THADA: variants seen among roughly 807,000 people sequenced by gnomAD.
THADA encodes tRNA (32-2'-O)-methyltransferase regulator THADA.
THADA carries 213 observed loss-of-function variants against 219.8 expected under a neutral mutation model. The ratio of observed to expected loss-of-function variants is 0.97; its 90% CI spans 0.87 to 1.09. The LOEUF is 1.09. Among genes scored for constraint, THADA ranks in the 50% least tolerant of loss-of-function variants. The pLI, the probability that THADA is intolerant of heterozygous loss-of-function variation, is 0.00. For missense variants in THADA, 2,956 were observed against 2,311.3 expected, an observed-to-expected ratio of 1.28 and a Z score of -5.72; for synonymous variants, 1,018 against 828.9, an observed-to-expected ratio of 1.23 and a Z score of -3.92.
rs73925512 is a variant in THADA at position 43,436,380 on chromosome 2, T to C, written c.3837-6078A>G. ...CAAGAGCCTTCCTCACCAAGGAAAA[T>C]GCTCTGCTCTTCCCCCAAACTGTCA... On this transcript the variant is annotated intron_variant, in intron 26 of 37. Transcript: ENST00000405975. Among the ~76,000 whole-genome samples the C allele has an allele frequency of 9.1e-3, 1,378 of 152,204 alleles. 24 individuals are homozygous for C. The highest frequency in any genetic ancestry group is 0.032 in the African/African-American group (1,343 of 41,528).
chr2:43,297,312 C>T (rs1675561253), intron 31 of THADA, among the ~76,000 whole-genome samples: 2 of 101,608 alleles, frequency 2.0e-5, no homozygotes, highest in South Asian at 3.6e-4. Flanking sequence ...GCAACCACCC[C>T]GTCTGAGAAG....
At position 43,460,055 on chromosome 2, in the gene THADA, G is replaced by C. The variant is rs145151549; in HGVS notation, c.3836+25179C>G. Among the ~76,000 whole-genome samples, 376 of 152,010 alleles carry C rather than the reference G, an allele frequency of 2.5e-3. 1 individual carries two copies. Among genetic ancestry groups the C allele is most frequent in the African/African-American group, 8.9e-3 (370 of 41,450 alleles). ...GGATGTTGGCTTCATGCTGTATCTAGAAGGTTGATACTGGAAAAGTCAGTA... is the reference window on the plus strand; with the variant it reads ...GGATGTTGGCTTCATGCTGTATCTACAAGGTTGATACTGGAAAAGTCAGTA... On this transcript the variant is annotated intron_variant, in intron 26 of 37. Transcript: ENST00000405975.
chr2:43,444,390 C>T (rs1026671090), intron 26 of THADA, among the ~76,000 whole-genome samples: 2 of 152,190 alleles, frequency 1.3e-5, no homozygotes, highest in Non-Finnish European at 2.9e-5. Context: ...CAACTTACTC[C>T]CATCTGGGTT....
chr2:43,419,144 T>C (rs915046794), intron 28 of THADA, among the ~76,000 whole-genome samples: 3 of 151,618 alleles, frequency 2.0e-5, no homozygotes, highest in African/African-American at 7.3e-5. Context: ...GTGATGAGAG[T>C]AGGGGTGTTG....
At position 43,231,049 on chromosome 2, in the gene THADA, A is replaced by G. The variant is rs367792595; in HGVS notation, c.5761T>C (p.Leu1921=). 6.2e-7 allele frequency: 1 copy of G among 1,613,882 alleles called. No individual in the cohort carries two copies. Among genetic ancestry groups the G allele is most frequent in the Non-Finnish European group, 8.5e-7 (1 of 1,179,868 alleles). The stretch of plus-strand genomic sequence containing the variant: ...GTGTCTTCCCCTTCCTTTCCTTCCA[A>G]AAAGGCCAGCAGCCTCAAGCAAGCC... ...TLACLRLLAF[L]EGKEGEDTLV... Residue 1921 remains leucine, a synonymous_variant, in exon 38 of 38, where the codon TTG becomes CTG. Transcript: ENST00000405975.
chr2:43,582,654 C>G (rs553642677), intron 7 of THADA, among the ~76,000 whole-genome samples: 1 of 148,542 alleles, frequency 6.7e-6, no homozygotes, highest in East Asian at 2.1e-4. Flanking sequence ...ACTGCAACCT[C>G]CACCTCCCGG....
At chr2:43,486,786 C>CAG (rs1469903275) in intron 25 of THADA, 1 of 152,106 alleles carries the variant, frequency 6.6e-6, no homozygotes, top group African/African-American at 2.4e-5. Context: ...CAAGAGAAGC[C>CAG]AGGAACCCTG....
chr2:43,355,306 C>T (rs1256540339), intron 29 of THADA, among the ~76,000 whole-genome samples: 1 of 152,104 alleles, frequency 6.6e-6, no homozygotes, highest in Non-Finnish European at 1.5e-5. Context: ...TGAGGAACCT[C>T]CAAACTGTTC....
chr2:43,362,767 CTGTT>C (rs543434144), intron 29 of THADA, among the ~76,000 whole-genome samples: 4 of 152,204 alleles, frequency 2.6e-5, no homozygotes, highest in African/African-American at 9.7e-5. Flanking sequence ...TTTTTAAAAA[CTGTT>C]TGTTTTGTAA....
chr2:43,411,292 T>G (rs1253232421), intron 28 of THADA, among the ~76,000 whole-genome samples: 1 of 152,184 alleles, frequency 6.6e-6, no homozygotes, highest in African/African-American at 2.4e-5. Flanking sequence ...TCCCCATCTC[T>G]GATATTTTTA....
intron 22 of THADA, among the ~76,000 whole-genome samples, chr2:43,515,277 A>AATATATT (rs1691487703): frequency 2.6e-4 from 1 of 3,778 alleles, no homozygotes; most frequent in Non-Finnish European, 5.8e-4. Flanking sequence ...TATAATATAT[A>AATATATT]ATATATTATA....
chr2:43,517,078 G>T (rs1340412431), intron 22 of THADA, among the ~76,000 whole-genome samples: 1 of 152,062 alleles, frequency 6.6e-6, no homozygotes, highest in African/African-American at 2.4e-5. Flanking sequence ...AGTTCTAAAT[G>T]AACTGGGTGA....
chr2:43,240,593 G>A (rs886462485), intron 36 of THADA, among the ~76,000 whole-genome samples: 9 of 152,110 alleles, frequency 5.9e-5, no homozygotes, highest in Non-Finnish European at 1.2e-4. Context: ...CTCAGAGCTG[G>A]GATTCCAGGT....
rs74687931 is a variant in THADA, at chr2:43,563,200, A to C, written c.2312-2815T>G. ...GGCATTTACAGCTATAACTTTCCCT[A>C]TAAGCACAGCTTTTGCTGCAATGCA... On this transcript the variant is annotated intron_variant, in intron 15 of 37. Transcript: ENST00000405975. 8.8e-3 allele frequency: 1,347 copies of C among 152,336 alleles called. 24 individuals are homozygous for C. Among genetic ancestry groups the C allele is most frequent in the African/African-American group, 0.031 (1,293 of 41,582 alleles). The allele number at this position is 152,336 out of a possible 1,614,324, so 9.4% of individuals were successfully genotyped here. A position where few individuals can be genotyped will look rare whatever the true frequency, so the allele number is the denominator to read the frequency against.
chr2:43,499,001 T>A, intron 24 of THADA, 46 bp from the exon 25 acceptor site: 1 of 1,541,148 alleles, frequency 6.5e-7, no homozygotes, highest in South Asian at 1.2e-5. Context: ...AAACCATGGC[T>A]AATTCTAAAT....
In THADA at chr2:43,514,709, TA is replaced by T. The variant is rs1342756921; in HGVS notation, c.3375-5930del. On this transcript the variant is annotated intron_variant, in intron 22 of 37. Transcript: ENST00000405975. ...TTATATATAATATATATAATATATA[TA>T]TAAATATATATTATATATAATATGT... Among the ~76,000 whole-genome samples, 12 of 73,784 alleles carry T rather than the reference TA, an allele frequency of 1.6e-4. 1 individual carries two copies. Among genetic ancestry groups the T allele is most frequent in the African/African-American group, 7.2e-4 (11 of 15,188 alleles). The allele number at this position is 73,784 out of a possible 152,430, so 48.4% of individuals were successfully genotyped here. A position where few individuals can be genotyped will look rare whatever the true frequency, so the allele number is the denominator to read the frequency against.
At chr2:43,414,860 T>G (rs1676742072) in intron 28 of THADA, among the ~76,000 whole-genome samples, 1 of 152,112 alleles carries the variant, frequency 6.6e-6, no homozygotes, top group Non-Finnish European at 1.5e-5. Context: ...AGCTTTCATC[T>G]TAGAAAGGAA....
In THADA at chr2:43,519,145, T is replaced by C. The variant is rs1274652665; in HGVS notation, c.3374+8734A>G. 2.0e-5 allele frequency among the ~76,000 whole-genome samples: 3 copies of C among 152,106 alleles called. No individual in the cohort carries two copies. The East Asian group carries it at 5.8e-4, about 29-fold the overall frequency. On this transcript the variant is annotated intron_variant, in intron 22 of 37. Transcript: ENST00000405975. ...TCTTTAACGTCTGTCTTGTAAATTA[T>C]GTGACTTACTTATCTAATCCCAAAG...
At chr2:43,341,322 T>TGGAAAATCATGGA (rs1425205047) in intron 30 of THADA, among the ~76,000 whole-genome samples, 2 of 152,138 alleles carry the variant, frequency 1.3e-5, no homozygotes, top group Non-Finnish European at 2.9e-5. Context: ...CTTCTAGAGC[T>TGGAAAATCATGGA]GGAAAATCAT....
Sources: allele counts gnomAD v4.1 joint callset (sites outside exome capture counted in the v4.1 genomes callset), GRCh38; gene constraint gnomAD v4.1.1; transcripts MANE v1.5; gene names NCBI Gene and HGNC (gene_info 2026-07-23, HGNC 2026-07-21).